The following CDK17 variants were observed in gnomAD, a reference collection of about 807,000 sequenced individuals.
CDK17 encodes cyclin dependent kinase 17, also known as cyclin-dependent kinase 17.
CDK17 carries 24 observed loss-of-function variants against 77.6 expected under a neutral mutation model. That is an observed-to-expected ratio of 0.31 (90% confidence interval 0.22 to 0.44). The LOEUF (loss-of-function observed/expected upper bound fraction) is 0.44, where lower values mean the gene tolerates loss of function less well. CDK17 is among the 20% of genes least tolerant of loss of function. The probability of loss-of-function intolerance (pLI) is 1.00; values close to 1 mark genes in which losing one functional copy is unlikely to be tolerated. For synonymous variants in CDK17, 203 were observed against 210.4 expected, an observed-to-expected ratio of 0.96 and a Z score of 0.30; for missense variants, 429 against 622.5, an observed-to-expected ratio of 0.69 and a Z score of 3.31.
At chr12:96,373,155 ACTTT>A (rs1468470710) in intron 1 of CDK17, among the ~76,000 whole-genome samples, 2 of 152,336 alleles carry the variant, frequency 1.3e-5, no homozygotes, top group East Asian at 1.9e-4. Flanking sequence ...TAGGAAGTTC[ACTTT>A]CTTTAAGAGA....
At chr12:96,389,131 A>AT (rs200539111) in intron 1 of CDK17, among the ~76,000 whole-genome samples, 11,675 of 142,488 alleles carry the variant, frequency 0.082, 596 homozygotes, top group South Asian at 0.23. Context: ...TGCTCAACTA[A>AT]TTTTTTTTTT....
chr12:96,326,266 C>G (rs1377542048), intron 2 of CDK17, among the ~76,000 whole-genome samples: 2 of 152,132 alleles, frequency 1.3e-5, no homozygotes, highest in Non-Finnish European at 2.9e-5. Context: ...TGGGCATCAA[C>G]TGGTGAACAA....
chr12:96,375,582 T>C (rs1164176276), intron 1 of CDK17, among the ~76,000 whole-genome samples: 1 of 147,424 alleles, frequency 6.8e-6, no homozygotes, highest in African/African-American at 2.5e-5. Flanking sequence ...TGGCGCGATC[T>C]CAGCTCACTG....
intron 1 of CDK17, among the ~76,000 whole-genome samples, chr12:96,374,717 A>G (rs1953750913): frequency 6.6e-6 from 1 of 152,230 alleles, no homozygotes; most frequent in Non-Finnish European, 1.5e-5. Context: ...TCTCCACAGA[A>G]GTAAAGTAAG....
At chr12:96,345,169 T>C (rs1953185630) in intron 1 of CDK17, among the ~76,000 whole-genome samples, 1 of 152,380 alleles carries the variant, frequency 6.6e-6, no homozygotes, top group Admixed American at 6.5e-5. Context: ...CATTCCTTTT[T>C]GTGGCTGAAT....
In CDK17 at chr12:96,384,672, C is replaced by T. The variant is rs949227627; in HGVS notation, c.-30+15314G>A. ...TACTGCAAGAACAGAAAACCAAATA[C>T]TGTACGTTCTCACTTATATTTGGGA... On this transcript the variant is annotated intron_variant, in intron 1 of 16. Coordinates refer to ENST00000261211, the MANE Select transcript of CDK17 (RefSeq NM_002595.5). Among the ~76,000 whole-genome samples the T allele has an allele frequency of 5.9e-5, 9 of 152,304 alleles. No homozygotes were observed. The South Asian group carries it at 1.7e-3, about 28-fold the overall frequency.
intron 3 of CDK17, among the ~76,000 whole-genome samples, chr12:96,320,063 A>G (rs1462837720): frequency 6.6e-6 from 1 of 152,164 alleles, no homozygotes; most frequent in Non-Finnish European, 1.5e-5. Flanking sequence ...TCTCAGCCCA[A>G]AATCTCCTTA....
At chr12:96,368,670 T>C (rs1363126483) in intron 1 of CDK17, among the ~76,000 whole-genome samples, 1 of 152,058 alleles carries the variant, frequency 6.6e-6, no homozygotes, top group Non-Finnish European at 1.5e-5. Flanking sequence ...GTGTTCCACA[T>C]TTTCGTCTAA....
rs548141841 is a variant in CDK17, at chr12:96,323,849, C to T, written c.283+99G>A. ...TGATCTCAACTTGATTTTTATCTGA[C>T]AGAAGAAACGAGATAATAAAAGTTG... On this transcript the variant is annotated intron_variant, in intron 3 of 16. Transcript: ENST00000261211. 1.5e-5 allele frequency: 12 copies of T among 825,126 alleles called. No individual in the cohort carries two copies. The East Asian group carries it at 2.0e-4, about 13-fold the overall frequency. The allele number at this position is 825,126 out of a possible 1,614,324, so 51.1% of individuals were successfully genotyped here. A position where few individuals can be genotyped will look rare whatever the true frequency, so the allele number is the denominator to read the frequency against.
intron 16 of CDK17, 192 bp from the exon 17 acceptor site, chr12:96,280,471 A>G: frequency 7.1e-7 from 1 of 1,414,200 alleles, no homozygotes; most frequent in Non-Finnish European, 9.2e-7. Flanking sequence ...GAAGTGATGA[A>G]CCTGATGACT....
chr12:96,374,008 T>C (rs1240240073), intron 1 of CDK17, among the ~76,000 whole-genome samples: 1 of 152,180 alleles, frequency 6.6e-6, no homozygotes, highest in East Asian at 1.9e-4. Flanking sequence ...ATGCATGTAT[T>C]GTACCTAGCA....
At chr12:96,362,345 A>C (rs1441823249) in intron 1 of CDK17, among the ~76,000 whole-genome samples, 2 of 151,956 alleles carry the variant, frequency 1.3e-5, no homozygotes, top group Non-Finnish European at 2.9e-5. Flanking sequence ...CAGCCTCCTG[A>C]GTAGCTGGTA....
intron 1 of CDK17, among the ~76,000 whole-genome samples, chr12:96,397,420 T>C (rs2137256127): frequency 6.6e-6 from 1 of 152,326 alleles, no homozygotes; most frequent in Non-Finnish European, 1.5e-5. Context: ...TGTTTTTTCA[T>C]TCTGGTAACC....
At chr12:96,288,699 C>T (rs766573313) in intron 11 of CDK17, among the ~76,000 whole-genome samples, 6 of 152,002 alleles carry the variant, frequency 3.9e-5, no homozygotes, top group East Asian at 1.9e-4. Context: ...AGGATCGAAG[C>T]GGTGTGTGAG....
chr12:96,371,741 T>G (rs1037433879), intron 1 of CDK17, among the ~76,000 whole-genome samples: 2 of 151,934 alleles, frequency 1.3e-5, no homozygotes, highest in African/African-American at 2.4e-5. Context: ...TCAAAAAAAA[T>G]AAAAAGAAAA....
chr12:96,311,601 C>CTTTTTTTTTTTTTTTTTTT (rs1592719896), intron 4 of CDK17, among the ~76,000 whole-genome samples: 39 of 95,612 alleles, frequency 4.1e-4, no homozygotes, highest in African/African-American at 8.7e-4. Context: ...GGCATTTCTA[C>CTTTTTTTTTTTTTTTTTTT]TTTATTTAAT....
intron 1 of CDK17, among the ~76,000 whole-genome samples, chr12:96,336,249 G>A (rs553599923): frequency 6.6e-6 from 1 of 152,210 alleles, no homozygotes; most frequent in South Asian, 2.1e-4. Flanking sequence ...ATCTCTTGGG[G>A]TCAGGAGGTT....
chr12:96,334,774 T>C lies in CDK17; in HGVS notation c.63A>G (p.Ser21=), dbSNP rs1953018254. The C allele has an allele frequency of 1.9e-6, 3 of 1,612,614 alleles. No homozygotes were observed. Among genetic ancestry groups the C allele is most frequent in the Non-Finnish European group, 2.5e-6 (3 of 1,178,824 alleles). Residue 21 remains serine (S), a synonymous_variant, in exon 2 of 17, where the codon TCA becomes TCG. Transcript: ENST00000261211. ...TLRGSQTIDE[S]LSELAEQMTI... ...TCATTTGTTCAGCCAATTCAGACAA[T>C]GATTCATCAATAGTCTGACTTCCTC...
chr12:96,348,656 A>G (rs1953266193), intron 1 of CDK17, among the ~76,000 whole-genome samples: 2 of 152,198 alleles, frequency 1.3e-5, no homozygotes, highest in Admixed American at 6.5e-5. Context: ...CCAATTATAC[A>G]GAAATAAAAC....
Sources: gnomAD v4.1 joint callset for allele counts (sites outside exome capture counted in the v4.1 genomes callset) on GRCh38, gnomAD v4.1.1 for gene constraint, MANE v1.5 for transcripts, NCBI Gene and HGNC (gene_info 2026-07-23, HGNC 2026-07-21) for gene names.